UBE2H: variants seen among roughly 807,000 people sequenced by gnomAD.
UBE2H encodes ubiquitin conjugating enzyme E2 H, also known as ubiquitin-conjugating enzyme E2 H.
A neutral mutation model predicts 29.0 loss-of-function variants in UBE2H; 3 were observed. The observed-to-expected ratio is 0.10, with a 90% confidence interval of 0.05 to 0.27. UBE2H has a LOEUF of 0.27. UBE2H is among the 10% of genes least tolerant of loss of function. UBE2H has a pLI of 1.00. For missense variants in UBE2H, 68 were observed against 228.2 expected, an observed-to-expected ratio of 0.30 and a Z score of 4.52; for synonymous variants, 69 against 82.9, an observed-to-expected ratio of 0.83 and a Z score of 0.91.
chr7:129,872,671 G>A (rs1006596840), intron 3 of UBE2H, among the ~76,000 whole-genome samples: 4 of 151,534 alleles, frequency 2.6e-5, no homozygotes, highest in African/African-American at 9.7e-5. Context: ...GTGAAACCCC[G>A]TCTCTACTAA....
intron 1 of UBE2H, among the ~76,000 whole-genome samples, chr7:129,884,151 C>T (rs1254944518): frequency 6.6e-6 from 1 of 152,000 alleles, no homozygotes; most frequent in African/African-American, 2.4e-5. Flanking sequence ...GGCGCGGTGG[C>T]TCACACCTGT....
intron 1 of UBE2H, among the ~76,000 whole-genome samples, chr7:129,883,070 A>G (rs1009436624): frequency 6.6e-6 from 1 of 152,236 alleles, no homozygotes; most frequent in African/African-American, 2.4e-5. Flanking sequence ...TGAAGTATAA[A>G]AAAGTCCAAT....
intron 1 of UBE2H, among the ~76,000 whole-genome samples, chr7:129,902,486 C>T (rs1806736588): frequency 6.6e-6 from 1 of 152,066 alleles, no homozygotes; most frequent in Non-Finnish European, 1.5e-5. Flanking sequence ...GGCGACAGAG[C>T]GAGACTCCAT....
chr7:129,881,146 T>C (rs1806244381), intron 1 of UBE2H, among the ~76,000 whole-genome samples, 175 bp from the exon 2 acceptor site: 1 of 152,214 alleles, frequency 6.6e-6, no homozygotes, highest in African/African-American at 2.4e-5. Context: ...TGTAAGAAGA[T>C]ATGCATGAGC....
At chr7:129,919,033 A>G (rs962570920) in intron 1 of UBE2H, among the ~76,000 whole-genome samples, 7 of 147,518 alleles carry the variant, frequency 4.7e-5, no homozygotes, top group African/African-American at 1.7e-4. Flanking sequence ...GCAGTGAGCT[A>G]TGATTGTGTC....
intron 1 of UBE2H, among the ~76,000 whole-genome samples, chr7:129,910,042 C>T (rs1806900177): frequency 6.6e-6 from 1 of 151,906 alleles, no homozygotes; most frequent in African/African-American, 2.4e-5. Context: ...GAAGAATAAA[C>T]AAAAGTTGCC....
intron 1 of UBE2H, among the ~76,000 whole-genome samples, chr7:129,893,328 G>GTA (rs1216777159): frequency 1.3e-5 from 2 of 152,116 alleles, no homozygotes; most frequent in Admixed American, 1.3e-4. Context: ...TTCCCTGAAT[G>GTA]TATTATTCCT....
intron 3 of UBE2H, among the ~76,000 whole-genome samples, chr7:129,868,790 A>G (rs182521850): frequency 6.4e-4 from 98 of 152,288 alleles, no homozygotes; most frequent in African/African-American, 2.2e-3. Context: ...CAGGTTTCAC[A>G]TTAAAAGGGC....
chr7:129,950,600 A>G (rs965340173), intron 1 of UBE2H, among the ~76,000 whole-genome samples: 1 of 152,206 alleles, frequency 6.6e-6, no homozygotes, highest in African/African-American at 2.4e-5. Flanking sequence ...ACATAATTTG[A>G]GACTCTGACA....
chr7:129,925,554 CCTT>C (rs1485008680), intron 1 of UBE2H, among the ~76,000 whole-genome samples: 2 of 152,202 alleles, frequency 1.3e-5, no homozygotes, highest in Admixed American at 6.5e-5. Flanking sequence ...TCCATTCTCT[CCTT>C]CTTACTATCA....
intron 3 of UBE2H, among the ~76,000 whole-genome samples, chr7:129,870,586 G>T (rs2727466): frequency 0.69 from 105,153 of 151,808 alleles, 37,425 homozygotes; most frequent in East Asian, 0.92. Context: ...TGTCTTCACA[G>T]CGGTGTATGT....
intron 1 of UBE2H, among the ~76,000 whole-genome samples, chr7:129,941,723 C>T (rs979988394): frequency 5.5e-5 from 6 of 109,954 alleles, no homozygotes; most frequent in Non-Finnish European, 1.1e-4. Flanking sequence ...AAGCATGAGC[C>T]ACTGAATCCA....
chr7:129,844,530 AAAG>A (rs1170166172), intron 5 of UBE2H, among the ~76,000 whole-genome samples: 2 of 152,232 alleles, frequency 1.3e-5, no homozygotes, highest in African/African-American at 4.8e-5. Context: ...GTGTCAGTTC[AAAG>A]ATCTTTATCT....
intron 1 of UBE2H, among the ~76,000 whole-genome samples, chr7:129,901,040 C>T (rs757036607): frequency 6.6e-6 from 1 of 152,102 alleles, no homozygotes; most frequent in African/African-American, 2.4e-5. Flanking sequence ...CGTGACTCAC[C>T]GTACCAGGTG....
chr7:129,888,369 G>A (rs1228826563), intron 1 of UBE2H, among the ~76,000 whole-genome samples: 3 of 152,248 alleles, frequency 2.0e-5, no homozygotes, highest in African/African-American at 4.8e-5. Flanking sequence ...TAAAGATTTA[G>A]GGACCATTGC....
At chr7:129,940,413 C>A (rs912640991) in intron 1 of UBE2H, among the ~76,000 whole-genome samples, 2 of 152,136 alleles carry the variant, frequency 1.3e-5, no homozygotes, top group South Asian at 2.1e-4. Flanking sequence ...AGAACAGGTG[C>A]CTTTTTTGAG....
chr7:129,938,374 C>A (rs937861128), intron 1 of UBE2H, among the ~76,000 whole-genome samples: 2 of 128,996 alleles, frequency 1.6e-5, no homozygotes, highest in Admixed American at 9.5e-5. Context: ...GGCACCACTG[C>A]ACTCCAGCGT....
intron 1 of UBE2H, among the ~76,000 whole-genome samples, chr7:129,928,598 G>A (rs749686380): frequency 7.9e-5 from 12 of 152,120 alleles, no homozygotes; most frequent in Non-Finnish European, 1.3e-4. Flanking sequence ...GCGAGACTCC[G>A]TCTCAAAAAT....
At chr7:129,863,469 T>C (rs1007904383) in intron 3 of UBE2H, among the ~76,000 whole-genome samples, 4 of 152,154 alleles carry the variant, frequency 2.6e-5, no homozygotes, top group Non-Finnish European at 5.9e-5. Flanking sequence ...CCACTCTTAC[T>C]CTATTTCTGA....
Sources: gnomAD v4.1 joint callset for allele counts (sites outside exome capture counted in the v4.1 genomes callset) on GRCh38, gnomAD v4.1.1 for gene constraint, MANE v1.5 for transcripts, NCBI Gene and HGNC (gene_info 2026-07-23, HGNC 2026-07-21) for gene names.